The following MPDZ variants were observed in gnomAD, a reference collection of about 807,000 sequenced individuals.
The protein encoded by MPDZ is multiple PDZ domain crumbs cell polarity complex component, also known as multiple PDZ domain protein.
In MPDZ, 234 loss-of-function variants were observed where a neutral mutation model predicts 239.1. The ratio of observed to expected loss-of-function variants is 0.98; its 90% CI spans 0.88 to 1.09. The LOEUF (loss-of-function observed/expected upper bound fraction) is 1.09, where lower values mean the gene tolerates loss of function less well. Ranked by LOEUF, MPDZ falls within the 50% of genes least tolerant of loss-of-function variation. The pLI is 0.00. For missense variants in MPDZ, 3,175 were observed against 2,510.0 expected (o/e 1.26, Z -5.66); for synonymous variants, 1,048 against 881.3 (o/e 1.19, Z -3.35).
chr9:13,161,051 T>A (rs1381766173), intron 23 of MPDZ, among the ~76,000 whole-genome samples: 1 of 151,248 alleles, frequency 6.6e-6, no homozygotes, highest in African/African-American at 2.4e-5. Flanking sequence ...CCCCAACAGA[T>A]AATGAGGGAC....
At chr9:13,176,040 A>G (rs138585710) in intron 20 of MPDZ, 96 bp downstream of exon 20, 1 of 1,438,290 alleles carries the variant, frequency 7.0e-7, no homozygotes, top group African/African-American at 1.4e-5. Flanking sequence ...TAGTGTCAAG[A>G]AGCACTCATT....
chr9:13,187,762 G>GAAAACGTATATCTGCCTTTTC (rs34307097), intron 17 of MPDZ, among the ~76,000 whole-genome samples: 1 of 152,034 alleles, frequency 6.6e-6, no homozygotes, highest in Non-Finnish European at 1.5e-5. Flanking sequence ...ATTTTCTTAA[G>GAAAACGTATATCTGCCTTTTC]ACTTCAAACT....
chr9:13,114,246 A>G (rs2131268206), intron 40 of MPDZ, among the ~76,000 whole-genome samples: 1 of 152,336 alleles, frequency 6.6e-6, no homozygotes, highest in East Asian at 1.9e-4. Context: ...GATGAAATTG[A>G]TTCCAATCTA....
intron 3 of MPDZ, among the ~76,000 whole-genome samples, chr9:13,229,603 C>T (rs1961758197): frequency 1.4e-5 from 2 of 148,004 alleles, no homozygotes; most frequent in Admixed American, 6.7e-5. Context: ...CACACACACA[C>T]ACCCCCATCC....
chr9:13,153,544 T>A (rs926853862), intron 24 of MPDZ, among the ~76,000 whole-genome samples: 1 of 152,034 alleles, frequency 6.6e-6, no homozygotes, highest in African/African-American at 2.4e-5. Flanking sequence ...TCAACCTCAA[T>A]GTCCTGGGCT....
At position 13,270,037 on chromosome 9, in the gene MPDZ, A is replaced by T. The variant is rs150493228; in HGVS notation, c.-58+9363T>A. Among the ~76,000 whole-genome samples, 204 of 152,308 alleles carry T rather than the reference A, an allele frequency of 1.3e-3. 1 individual carries two copies. The highest frequency in any genetic ancestry group is 6.8e-3 in the Middle Eastern group (2 of 294). On this transcript the variant is annotated intron_variant, in intron 1 of 46. Transcript: ENST00000319217. ...TAGGATTCATTGGGGTTATCTTGAC[A>T]AGTGATATTTTCTCCATGAAAGCAT...
chr9:13,177,653 A>T (rs1188343260), intron 19 of MPDZ, among the ~76,000 whole-genome samples: 1 of 152,220 alleles, frequency 6.6e-6, no homozygotes, highest in Non-Finnish European at 1.5e-5. Context: ...TAAGTATGAA[A>T]GACAGTGGTG....
At chr9:13,148,648 C>CTA (rs1375580216) in intron 25 of MPDZ, among the ~76,000 whole-genome samples, 5 of 152,046 alleles carry the variant, frequency 3.3e-5, no homozygotes, top group African/African-American at 1.2e-4. Flanking sequence ...CATATGTCTA[C>CTA]TATATATTCC....
intron 1 of MPDZ, among the ~76,000 whole-genome samples, chr9:13,259,346 G>C (rs1382441968): frequency 1.3e-5 from 2 of 151,818 alleles, no homozygotes; most frequent in East Asian, 3.9e-4. Context: ...AAAACAAAAA[G>C]AAAAGAAAAG....
chr9:13,278,919 GC>G (rs1974896247), intron 1 of MPDZ: 1 of 152,266 alleles, frequency 6.6e-6, no homozygotes, highest in East Asian at 2.0e-4. Context: ...AGGCTCCCGC[GC>G]CCTGGAGGCC....
intron 12 of MPDZ, among the ~76,000 whole-genome samples, chr9:13,198,733 CTCTCTGTGTGTGTGTGTGTGTGTG>C (rs1417232297): frequency 1.2e-4 from 11 of 89,512 alleles, no homozygotes; most frequent in South Asian, 3.6e-4. Flanking sequence ...TTTAATCTCT[CTCTCTGTGTGTGTGTGTGTGTGTG>C]TGTGTGTGTG....
intron 3 of MPDZ, among the ~76,000 whole-genome samples, chr9:13,225,150 A>G (rs1413634527): frequency 6.6e-6 from 1 of 152,030 alleles, no homozygotes; most frequent in Non-Finnish European, 1.5e-5. Context: ...ACAGCTATAC[A>G]TGTGTTTGTG....
chr9:13,257,265 A>G (rs1466670776), intron 1 of MPDZ, among the ~76,000 whole-genome samples: 1 of 152,174 alleles, frequency 6.6e-6, no homozygotes, highest in Non-Finnish European at 1.5e-5. Flanking sequence ...TCCATCATGC[A>G]TGTGGGGACT....
At chr9:13,238,649 T>G (rs1271960451) in intron 3 of MPDZ, among the ~76,000 whole-genome samples, 5 of 152,150 alleles carry the variant, frequency 3.3e-5, no homozygotes, top group Non-Finnish European at 5.9e-5. Flanking sequence ...ACAGTGCAAC[T>G]AAACTTTAAG....
chr9:13,230,669 TG>T (rs1375517052), intron 3 of MPDZ, among the ~76,000 whole-genome samples: 1 of 152,120 alleles, frequency 6.6e-6, no homozygotes, highest in Non-Finnish European at 1.5e-5. Flanking sequence ...GGGAGATATT[TG>T]TGGTGATAAA....
At chr9:13,162,263 CA>C (rs71331527) in intron 23 of MPDZ, among the ~76,000 whole-genome samples, 56,925 of 115,046 alleles carry the variant, frequency 0.49, 12,551 homozygotes, top group African/African-American at 0.7. Context: ...GGCTCTGCCT[CA>C]AAAAAAAAAA....
intron 22 of MPDZ, among the ~76,000 whole-genome samples, chr9:13,166,783 C>T (rs770812453): frequency 4.0e-5 from 6 of 151,740 alleles, no homozygotes; most frequent in Admixed American, 6.6e-5. Context: ...AGAGGGGAAA[C>T]GGAAATACAC....
At chr9:13,158,231 G>A in intron 23 of MPDZ, 121 bp from the exon 24 acceptor site, 3 of 680,712 alleles carry the variant, frequency 4.4e-6, no homozygotes, top group Non-Finnish European at 7.4e-6. Flanking sequence ...ACCATACATG[G>A]CCATAAGTAT....
Position 13,122,092 on chromosome 9 carries a change from A to C in MPDZ, c.5032T>G (p.Leu1678Val), listed in dbSNP as rs763372118. 1.4e-5 allele frequency: 22 copies of C among 1,613,816 alleles called. No individual in the cohort carries two copies. In the Middle Eastern group the frequency reaches 4.9e-4, roughly 36 times the overall value. The change falls in exon 37 of 47, where the codon TTA (leucine) becomes GTA (valine). Residue 1678 changes from leucine to valine, a missense_variant. Transcript: ENST00000319217. Reference protein sequence around the residue: ...DGRLWAGDQILEVNGIDLRKA... With the variant: ...DGRLWAGDQIVEVNGIDLRKA... ...CAAAAACAGGCATTCTATACCTCTAAGATCTGATCTCCAGCCCAGAGTCTT... is the reference window on the plus strand; with the variant it reads ...CAAAAACAGGCATTCTATACCTCTACGATCTGATCTCCAGCCCAGAGTCTT...
Sources: gnomAD v4.1 joint callset for allele counts (sites outside exome capture counted in the v4.1 genomes callset) on GRCh38, gnomAD v4.1.1 for gene constraint, MANE v1.5 for transcripts, NCBI Gene and HGNC (gene_info 2026-07-23, HGNC 2026-07-21) for gene names.